GRM4: variants seen among roughly 807,000 people sequenced by gnomAD.
GRM4 encodes metabotropic glutamate receptor 4.
Under a neutral mutation model 81.7 loss-of-function variants are expected in GRM4, and 28 were observed. The observed-to-expected ratio is 0.34, with a 90% CI of 0.25 to 0.47. GRM4 has a LOEUF of 0.47. Ranked by LOEUF, GRM4 falls within the 20% of genes least tolerant of loss-of-function variation. GRM4 has a pLI of 1.00. For synonymous variants in GRM4, 488 were observed against 528.8 expected, an observed-to-expected ratio of 0.92 and a Z score of 1.06; for missense variants, 948 against 1,290.0, an observed-to-expected ratio of 0.73 and a Z score of 4.06.
intron 6 of GRM4, among the ~76,000 whole-genome samples, chr6:34,053,058 C>G (rs941496985): frequency 6.6e-6 from 1 of 152,232 alleles, no homozygotes; most frequent in African/African-American, 2.4e-5. Flanking sequence ...TCAGCAATAA[C>G]AATCATTTTA....
chr6:34,109,768 G>C (rs1048913467), intron 2 of GRM4, among the ~76,000 whole-genome samples: 5 of 152,152 alleles, frequency 3.3e-5, no homozygotes, highest in Admixed American at 6.5e-5. Flanking sequence ...TCACACGGTA[G>C]TCAATTCCAG....
In GRM4 at chr6:34,018,898, CAGA is replaced by C. The variant is rs1403457023; in HGVS notation, c.*3920_*3922del. Reference sequence around the variant, plus strand: ...GGACCATCCAGGGCAGGCAGGATGACAGAAGGAGCCCTCAGTGCCAGGGGAGTG... The same window carrying C: ...GGACCATCCAGGGCAGGCAGGATGACAGGAGCCCTCAGTGCCAGGGGAGTG... On this transcript the variant is annotated 3_prime_UTR_variant, in exon 11 of 11. Coordinates refer to ENST00000538487, the MANE Select transcript of GRM4 (RefSeq NM_000841.4). 1.3e-5 allele frequency: 2 copies of C among 152,606 alleles called. No individual in the cohort carries two copies. Among genetic ancestry groups the C allele is most frequent in the East Asian group, 3.9e-4 (2 of 5,184 alleles). The allele number at this position is 152,606 out of a possible 1,614,324, so 9.5% of individuals were successfully genotyped here.
At chr6:34,131,252 G>A (rs61120831) in intron 2 of GRM4, among the ~76,000 whole-genome samples, 9,979 of 152,296 alleles carry the variant, frequency 0.066, 643 homozygotes, top group African/African-American at 0.17. Flanking sequence ...TGCCTACCGC[G>A]AGGGCAGAAA....
chr6:34,034,332 C>T lies in GRM4; in HGVS notation c.2442+1336G>A, dbSNP rs1240391179. 1.3e-5 allele frequency among the ~76,000 whole-genome samples: 2 copies of T among 152,304 alleles called. No individual in the cohort carries two copies. Among genetic ancestry groups the T allele is most frequent in the South Asian group, 2.1e-4 (1 of 4,816 alleles). On this transcript the variant is annotated intron_variant, in intron 9 of 10. Coordinates refer to ENST00000538487, the MANE Select transcript of GRM4 (RefSeq NM_000841.4). The surrounding 1 kb of genome is among the most constrained non-coding windows in gnomAD (Gnocchi z 4.0). ...GACTCGACTGTCTCCTCGTCTCCCA[C>T]CCAACGTGCCATCCATTGGAAACCT...
chr6:34,126,673 G>C (rs1025952387), intron 2 of GRM4, among the ~76,000 whole-genome samples: 5 of 152,208 alleles, frequency 3.3e-5, no homozygotes, highest in Admixed American at 6.5e-5. Flanking sequence ...CCACAGCCAG[G>C]AGCTCGCAGA....
intron 1 of GRM4, among the ~76,000 whole-genome samples, chr6:34,142,166 T>C (rs866961218): frequency 3.3e-5 from 5 of 152,268 alleles, no homozygotes; most frequent in South Asian, 2.1e-4. Context: ...TGCCCACCAG[T>C]GCAAGCCCCT....
At chr6:34,110,067 C>G (rs11966397) in intron 2 of GRM4, among the ~76,000 whole-genome samples, 2 of 152,102 alleles carry the variant, frequency 1.3e-5, no homozygotes, top group Non-Finnish European at 2.9e-5. Context: ...GAGGCTGAAG[C>G]GGGCAGATTC....
intron 10 of GRM4, among the ~76,000 whole-genome samples, chr6:34,027,341 G>C (rs530586743): frequency 6.6e-6 from 1 of 152,242 alleles, no homozygotes; most frequent in African/African-American, 2.4e-5. Context: ...ACCAGCCCTG[G>C]AGGGACCTGT....
At chr6:34,138,609 G>T (rs1246845987) in intron 1 of GRM4, among the ~76,000 whole-genome samples, 1 of 152,222 alleles carries the variant, frequency 6.6e-6, no homozygotes, top group Non-Finnish European at 1.5e-5. Flanking sequence ...GCTGGGCAGA[G>T]GTGTGGTTTG....
rs1296675366 is a variant in GRM4 at position 34,019,696 on chromosome 6, C to T, written c.*3125G>A. 2.0e-5 allele frequency: 3 copies of T among 152,178 alleles called. No individual in the cohort carries two copies. Among genetic ancestry groups the T allele is most frequent in the East Asian group, 1.9e-4 (1 of 5,184 alleles). The allele number at this position is 152,178 out of a possible 1,614,324, so 9.4% of individuals were successfully genotyped here. On this transcript the variant is annotated 3_prime_UTR_variant, in exon 11 of 11. Transcript: ENST00000538487. ...GCACACAGCAAAGGTCTCTAGGGGC[C>T]GCTGGCTCCCTATCCAGGGTGCCAG...
chr6:34,087,444 C>T (rs1365220339), intron 3 of GRM4, among the ~76,000 whole-genome samples: 1 of 151,328 alleles, frequency 6.6e-6, no homozygotes, highest in African/African-American at 2.4e-5. Context: ...AAGCCTGCCA[C>T]ATCTGTGCCC....
chr6:34,155,279 G>T (rs1307665138), exon 1 of GRM4: 8 of 1,534,086 alleles, frequency 5.2e-6, no homozygotes, highest in Non-Finnish European at 7.0e-6. Context: ...AGGTTTCCTT[G>T]GTGGGAGGAA....
Position 34,056,531 on chromosome 6 carries a change from C to T in GRM4, c.1168+13G>A. ...CTAGAGCCCGCCCGGCCCTGCCCGG[C>T]CCGCGTGCTCACTGGTGCACTTCTT... On this transcript the variant is annotated intron_variant, in intron 6 of 10. Coordinates refer to ENST00000538487, the MANE Select transcript of GRM4 (RefSeq NM_000841.4). The T allele has an allele frequency of 6.2e-7, 1 of 1,609,254 alleles. No individual in the cohort carries two copies.
At chr6:34,056,790 G>C (rs1765919567) in intron 5 of GRM4, 106 bp from the exon 6 acceptor site, 1 of 1,235,388 alleles carries the variant, frequency 8.1e-7, no homozygotes, top group Admixed American at 2.4e-5. Context: ...GAGGGAGAGA[G>C]ACCAGGAGGA....
rs1050054318 is a variant in GRM4 at position 34,042,672 on chromosome 6, T to C, written c.1169-1924A>G. The stretch of plus-strand genomic sequence containing the variant: ...GGGCAGCAGGGTGCACACCTGCACC[T>C]GTGTCCTGCCCCCATAGGCCAGGGT... On this transcript the variant is annotated intron_variant, in intron 6 of 10. Coordinates refer to ENST00000538487, the MANE Select transcript of GRM4 (RefSeq NM_000841.4). The surrounding 1 kb of genome is among the most constrained non-coding windows in gnomAD (Gnocchi z 4.2). 1.3e-5 allele frequency among the ~76,000 whole-genome samples: 2 copies of C among 152,198 alleles called. No individual in the cohort carries two copies. The highest frequency in any genetic ancestry group is 2.9e-5 in the Non-Finnish European group (2 of 68,012).
intron 9 of GRM4, among the ~76,000 whole-genome samples, chr6:34,031,982 A>C (rs891721559): frequency 1.8e-4 from 26 of 147,170 alleles, no homozygotes; most frequent in Non-Finnish European, 1.5e-4. Context: ...CACACACACA[A>C]ACACACACAC....
rs550426175 is a variant in GRM4, at chr6:34,049,807, C to T, written c.1168+6737G>A. Reference sequence around the variant, plus strand: ...ACTGCAAAGTTTACAAAGAATCTGACCCCTTCGCACCACCTCCATGACCAC... The same window carrying T: ...ACTGCAAAGTTTACAAAGAATCTGATCCCTTCGCACCACCTCCATGACCAC... On this transcript the variant is annotated intron_variant, in intron 6 of 10. Transcript: ENST00000538487. 1.4e-4 allele frequency among the ~76,000 whole-genome samples: 21 copies of T among 152,208 alleles called. No homozygotes were observed. The South Asian group carries it at 3.5e-3, about 26-fold the overall frequency.
intron 7 of GRM4, 114 bp from the exon 8 acceptor site, chr6:34,040,428 TC>T: frequency 6.9e-7 from 1 of 1,443,736 alleles, no homozygotes; most frequent in Non-Finnish European, 9.6e-7. Context: ...CTGGGAGATT[TC>T]ACCTCTTGGA....
In GRM4 at chr6:34,095,962, G is replaced by C. The variant is rs544698478; in HGVS notation, c.520-3863C>G. 4.6e-5 allele frequency among the ~76,000 whole-genome samples: 7 copies of C among 152,302 alleles called. No individual in the cohort carries two copies. The East Asian group carries it at 1.4e-3, about 29-fold the overall frequency. ...CAACTCCCACTGTCTGCGCAGCCCA[G>C]CCCGAGCAGGAGGGGGACGTGCAAT... is the stretch of plus-strand genomic sequence containing the variant. On this transcript the variant is annotated intron_variant, in intron 2 of 10. Coordinates refer to ENST00000538487, the MANE Select transcript of GRM4 (RefSeq NM_000841.4).
Sources: gnomAD v4.1 joint callset for allele counts (sites outside exome capture counted in the v4.1 genomes callset) on GRCh38, gnomAD v4.1.1 for gene constraint, Gnocchi (gnomAD v3.1) non-coding constraint, MANE v1.5 for transcripts, NCBI Gene and HGNC (gene_info 2026-07-23, HGNC 2026-07-21) for gene names.